TPD52L1: variants seen among roughly 807,000 people sequenced by gnomAD.
TPD52L1 encodes the protein tumor protein D53.
TPD52L1 carries 18 observed loss-of-function variants against 28.7 expected under a neutral mutation model. That is an observed-to-expected ratio of 0.63 (90% CI 0.43 to 0.93). The LOEUF (loss-of-function observed/expected upper bound fraction) is 0.93. TPD52L1 is among the 40% of genes least tolerant of loss of function. TPD52L1 has a pLI of 0.00. For synonymous variants in TPD52L1, 75 were observed against 88.8 expected (o/e 0.84, Z 0.88); for missense variants, 203 against 254.8 (o/e 0.80, Z 1.39).
intron 3 of TPD52L1, among the ~76,000 whole-genome samples, chr6:125,238,379 T>G (rs970361728): frequency 3.9e-5 from 6 of 152,212 alleles, no homozygotes; most frequent in African/African-American, 1.4e-4. Flanking sequence ...TTCAATAGTC[T>G]TTGGGAAACA....
At chr6:125,191,062 G>C (rs545866437) in intron 1 of TPD52L1, among the ~76,000 whole-genome samples, 3 of 152,174 alleles carry the variant, frequency 2.0e-5, no homozygotes, top group Non-Finnish European at 4.4e-5. Context: ...TGTATATCGT[G>C]TAACATTATG....
At chr6:125,172,561 A>ATATAATATATATATATATAATATATAT (rs1562215221) in intron 1 of TPD52L1, among the ~76,000 whole-genome samples, 1 of 90,448 alleles carries the variant, frequency 1.1e-5, no homozygotes, top group African/African-American at 4.9e-5. Flanking sequence ...TAATATATAT[A>ATATAATATATATATATATAATATATAT]CTATATGGCA....
chr6:125,235,101 C>CAATAACAATAAT (rs1554214566), intron 3 of TPD52L1, among the ~76,000 whole-genome samples: 3 of 142,550 alleles, frequency 2.1e-5, no homozygotes, highest in African/African-American at 5.2e-5. Context: ...CTACAAATAA[C>CAATAACAATAAT]AATAATAATA....
intron 1 of TPD52L1, among the ~76,000 whole-genome samples, chr6:125,192,696 C>T (rs1348199876): frequency 6.6e-6 from 1 of 152,190 alleles, no homozygotes; most frequent in African/African-American, 2.4e-5. Context: ...GAACATTAGT[C>T]GTGGTTCCAA....
chr6:125,228,222 G>C (rs1795732787), intron 2 of TPD52L1, among the ~76,000 whole-genome samples: 1 of 152,128 alleles, frequency 6.6e-6, no homozygotes, highest in South Asian at 2.1e-4. Flanking sequence ...TGGGGGAAAG[G>C]AAAGAAGAGG....
chr6:125,182,978 G>A (rs1336239692), intron 1 of TPD52L1, among the ~76,000 whole-genome samples: 1 of 152,202 alleles, frequency 6.6e-6, no homozygotes, highest in East Asian at 1.9e-4. Flanking sequence ...TATAAACTGT[G>A]AGGACAGCCA....
At chr6:125,244,167 T>C (rs759733308) in intron 3 of TPD52L1, among the ~76,000 whole-genome samples, 2 of 152,190 alleles carry the variant, frequency 1.3e-5, no homozygotes, top group Non-Finnish European at 2.9e-5. Flanking sequence ...CACTGCCTCT[T>C]ATGGAGTTGG....
Position 125,263,346 on chromosome 6 carries a change from T to G in TPD52L1, c.*384T>G, listed in dbSNP as rs1798165093. ...TTGAAGGCTGAATGAACAGTCCCTT[T>G]CAGTTCAGCAGATCAACAGGATGGA... On this transcript the variant is annotated 3_prime_UTR_variant, in exon 7 of 7. Coordinates refer to ENST00000534000, the MANE Select transcript of TPD52L1 (RefSeq NM_003287.4). 1 of 186,650 alleles carries G rather than the reference T, an allele frequency of 5.4e-6. No homozygotes were observed. The highest frequency in any genetic ancestry group is 1.1e-5 in the Non-Finnish European group (1 of 88,886). 11.6% of individuals were successfully genotyped at this position (186,650 alleles called of 1,614,324 possible).
At chr6:125,257,955 A>G (rs117622065) in intron 6 of TPD52L1, among the ~76,000 whole-genome samples, 3,812 of 152,304 alleles carry the variant, frequency 0.025, 55 homozygotes, top group Non-Finnish European at 0.038. Flanking sequence ...GTATTTTACC[A>G]TAACTGGGAA....
chr6:125,260,921 GAAGAAAGAAAGAAAGA>G (rs71551734), intron 6 of TPD52L1: 2 of 58,800 alleles, frequency 3.4e-5, no homozygotes, highest in Non-Finnish European at 5.3e-5. Context: ...AAGAAAGAAA[GAAGAAAGAAAGAAAGA>G]AAGAAAGAAA....
intron 1 of TPD52L1, among the ~76,000 whole-genome samples, chr6:125,162,437 G>A (rs900647328): frequency 3.9e-5 from 6 of 152,266 alleles, no homozygotes; most frequent in African/African-American, 1.4e-4. Context: ...TGGCCTATAA[G>A]AAGATGTGCT....
intron 1 of TPD52L1, chr6:125,203,524 A>G (rs938599210): frequency 1.4e-5 from 7 of 506,960 alleles, no homozygotes; most frequent in Non-Finnish European, 1.8e-5. Flanking sequence ...AGGAAATTGG[A>G]GGAGCTGAGG....
chr6:125,161,740 A>G (rs754528270), intron 1 of TPD52L1, among the ~76,000 whole-genome samples: 12 of 152,200 alleles, frequency 7.9e-5, no homozygotes, highest in Non-Finnish European at 1.3e-4. Flanking sequence ...GGTTCTCCAA[A>G]ACAATTCTGA....
rs749363751 is a variant in TPD52L1 at position 125,263,265 on chromosome 6, A to G, written c.*303A>G. 2.2e-4 allele frequency: 68 copies of G among 311,090 alleles called. 2 individuals carry two copies. The South Asian group carries it at 3.3e-3, about 15-fold the overall frequency. 19.3% of individuals were successfully genotyped at this position (311,090 alleles called of 1,614,324 possible). A position where few individuals can be genotyped will look rare whatever the true frequency, so the allele number is the denominator to read the frequency against. ...TAATTCGATGTATATTTTTCCAAACATGTAGCTATTGTTTGCTTTGATTTT... is the reference window on the plus strand; with the variant it reads ...TAATTCGATGTATATTTTTCCAAACGTGTAGCTATTGTTTGCTTTGATTTT... On this transcript the variant is annotated 3_prime_UTR_variant, in exon 7 of 7. Transcript: ENST00000534000.
At chr6:125,171,950 G>T (rs544924389) in intron 1 of TPD52L1, among the ~76,000 whole-genome samples, 3 of 151,952 alleles carry the variant, frequency 2.0e-5, no homozygotes, top group Admixed American at 6.6e-5. Context: ...TTGTGCTCTT[G>T]CCTTGCCTTG....
At chr6:125,208,904 C>A (rs1289875580) in intron 1 of TPD52L1, 1 of 985,366 alleles carries the variant, frequency 1.0e-6, no homozygotes, top group Admixed American at 6.1e-5. Flanking sequence ...ATCCCTAGGG[C>A]AGGAATAAGC....
chr6:125,243,438 A>T (rs1007412231), intron 3 of TPD52L1, among the ~76,000 whole-genome samples: 1 of 151,940 alleles, frequency 6.6e-6, no homozygotes, highest in African/African-American at 2.4e-5. Context: ...AGAAACAGCA[A>T]TTATTCTTAG....
At chr6:125,182,659 A>C (rs1171437926) in intron 1 of TPD52L1, among the ~76,000 whole-genome samples, 1 of 152,206 alleles carries the variant, frequency 6.6e-6, no homozygotes, top group Non-Finnish European at 1.5e-5. Flanking sequence ...AGAGCACTTG[A>C]TTAGCTGTCA....
intron 4 of TPD52L1, among the ~76,000 whole-genome samples, chr6:125,248,950 C>T (rs2115037688): frequency 6.6e-6 from 1 of 151,962 alleles, no homozygotes; most frequent in African/African-American, 2.4e-5. Context: ...CAGTGCGTAG[C>T]TATAGCAATG....
Sources: allele counts gnomAD v4.1 joint callset (sites outside exome capture counted in the v4.1 genomes callset), GRCh38; gene constraint gnomAD v4.1.1; transcripts MANE v1.5; gene names NCBI Gene and HGNC (gene_info 2026-07-23, HGNC 2026-07-21).